The following ROBO2 variants were observed in gnomAD, a reference collection of about 807,000 sequenced individuals.
ROBO2 encodes the protein roundabout homolog 2.
Under a neutral mutation model 160.8 loss-of-function variants are expected in ROBO2, and 53 were observed. The observed-to-expected ratio is 0.33, with a 90% CI of 0.26 to 0.41. The LOEUF (loss-of-function observed/expected upper bound fraction) is 0.41, where lower values mean the gene tolerates loss of function less well. ROBO2 is among the 10% of genes least tolerant of loss of function. ROBO2 has a pLI of 1.00. For synonymous variants in ROBO2, 664 were observed against 611.7 expected (o/e 1.09, Z -1.26); for missense variants, 1,577 against 1,722.4 (o/e 0.92, Z 1.49).
At chr3:76,802,393 A>T (rs1470492856) in intron 2 of ROBO2, among the ~76,000 whole-genome samples, 1 of 152,150 alleles carries the variant, frequency 6.6e-6, no homozygotes, top group Non-Finnish European at 1.5e-5. Context: ...CTGGCCTTCC[A>T]GCATATTGGA....
Position 75,987,270 on chromosome 3 carries a change from T to A in ROBO2, c.109+49668T>A, listed in dbSNP as rs79104315. Among the ~76,000 whole-genome samples the A allele has an allele frequency of 6.8e-3, 1,033 of 152,116 alleles. 67 individuals carry two copies. In the East Asian group the frequency reaches 0.17, roughly 25 times the overall value. ...CAAGTCTTTCATATCCCTGGCTAAG[T>A]TAATTACTAAGTATTTCATTCTTTT... On this transcript the variant is annotated intron_variant, in intron 2 of 26. Coordinates refer to the ROBO2 transcript ENST00000487694.
chr3:76,120,042 C>A (rs1411530265), intron 2 of ROBO2, among the ~76,000 whole-genome samples: 1 of 151,350 alleles, frequency 6.6e-6, no homozygotes, highest in East Asian at 1.9e-4. Context: ...TGTTGCCCAG[C>A]CTGGAGTGCG....
At chr3:75,960,318 T>C (rs1948865821) in intron 2 of ROBO2, among the ~76,000 whole-genome samples, 8 of 151,762 alleles carry the variant, frequency 5.3e-5, no homozygotes, top group Admixed American at 5.3e-4. Flanking sequence ...TATCTATGAG[T>C]AGTTAAGTTT....
chr3:77,261,885 G>C (rs1048028377), intron 2 of ROBO2, among the ~76,000 whole-genome samples: 1 of 149,984 alleles, frequency 6.7e-6, no homozygotes, highest in Admixed American at 6.7e-5. Context: ...TTCCCACCTT[G>C]GCCTCCCAAA....
At chr3:76,255,279 A>G (rs1706285238) in intron 2 of ROBO2, among the ~76,000 whole-genome samples, 1 of 152,142 alleles carries the variant, frequency 6.6e-6, no homozygotes, top group South Asian at 2.1e-4. Context: ...ATTGTTTTCT[A>G]ATATTTTAGG....
chr3:76,626,999 A>C (rs2089691921), intron 2 of ROBO2, among the ~76,000 whole-genome samples: 1 of 152,286 alleles, frequency 6.6e-6, no homozygotes, highest in South Asian at 2.1e-4. Context: ...CCTGTCATTT[A>C]GATTCTTAAG....
chr3:77,314,217 C>T (rs1172481782), intron 2 of ROBO2, among the ~76,000 whole-genome samples: 1 of 152,102 alleles, frequency 6.6e-6, no homozygotes, highest in East Asian at 1.9e-4. Context: ...AGGAGGGGAC[C>T]ACCACAAACA....
chr3:77,044,035 C>A lies in ROBO2; in HGVS notation c.61+3189C>A, dbSNP rs528611201. 2.0e-5 allele frequency among the ~76,000 whole-genome samples: 3 copies of A among 151,956 alleles called. No individual in the cohort carries two copies. In the East Asian group the frequency reaches 5.8e-4, roughly 29 times the overall value. On this transcript the variant is annotated intron_variant, in intron 1 of 25. Transcript: ENST00000461745. ...CAGAATTTAAATTATATATAAGTAA[C>A]CTGAAATGTGTTTTTGAAGCTATGC...
chr3:76,633,553 A>G (rs1031129484), intron 2 of ROBO2, among the ~76,000 whole-genome samples: 5 of 152,194 alleles, frequency 3.3e-5, no homozygotes, highest in Admixed American at 1.3e-4. Context: ...AGAGTTTTAA[A>G]AGTCTTTGTT....
At chr3:76,739,029 C>G (rs917776526) in intron 2 of ROBO2, among the ~76,000 whole-genome samples, 1 of 152,048 alleles carries the variant, frequency 6.6e-6, no homozygotes. Flanking sequence ...TGCATTATAA[C>G]AGAGCATACA....
At chr3:77,553,762 G>A (rs1351619843) in intron 8 of ROBO2, among the ~76,000 whole-genome samples, 1 of 151,968 alleles carries the variant, frequency 6.6e-6, no homozygotes, top group Non-Finnish European at 1.5e-5. Context: ...AAGGCTGAGA[G>A]AGGTGAGGAA....
intron 3 of ROBO2, among the ~76,000 whole-genome samples, chr3:77,480,115 A>G (rs2084505075): frequency 6.6e-6 from 1 of 152,184 alleles, no homozygotes; most frequent in African/African-American, 2.4e-5. Context: ...TGTAAAAAAA[A>G]GTTGAAAATT....
In ROBO2 at chr3:76,834,159, C is replaced by CTCTTTCTT. The variant is rs201086914; in HGVS notation, c.110-263847_110-263840dup. ...CTTTCCTTCCTTCCTTTCTTTCTCT[C>CTCTTTCTT]TCTTTCTTTCTTTCTCTCTCTCTCT... On this transcript the variant is annotated intron_variant, in intron 2 of 26. Transcript: ENST00000487694. 9.7e-5 allele frequency among the ~76,000 whole-genome samples: 11 copies of CTCTTTCTT among 113,078 alleles called. No homozygotes were observed. The South Asian group carries it at 1.3e-3, about 13-fold the overall frequency. The allele number at this position is 113,078 out of a possible 152,430, so 74.2% of individuals were successfully genotyped here.
At chr3:76,709,913 T>C (rs1003048952) in intron 2 of ROBO2, among the ~76,000 whole-genome samples, 3 of 152,108 alleles carry the variant, frequency 2.0e-5, no homozygotes, top group Non-Finnish European at 4.4e-5. Context: ...CCAGACCACT[T>C]CCTTCTGCCA....
intron 2 of ROBO2, among the ~76,000 whole-genome samples, chr3:76,375,694 T>G (rs1394268972): frequency 6.6e-6 from 1 of 151,922 alleles, no homozygotes; most frequent in Non-Finnish European, 1.5e-5. Flanking sequence ...AAAAACTAGT[T>G]GCAAGTAAAG....
intron 2 of ROBO2, among the ~76,000 whole-genome samples, chr3:76,358,984 C>G (rs1252299888): frequency 1.4e-5 from 2 of 138,790 alleles, no homozygotes; most frequent in Non-Finnish European, 3.1e-5. Context: ...CATGTGTTCT[C>G]ATTGTTCAAT....
chr3:77,093,779 A>G (rs919851006), intron 1 of ROBO2, among the ~76,000 whole-genome samples: 1 of 151,766 alleles, frequency 6.6e-6, no homozygotes, highest in Non-Finnish European at 1.5e-5. Context: ...TCTCTCTCTA[A>G]TCTATCTATC....
At chr3:76,854,644 G>A (rs1278705352) in intron 2 of ROBO2, among the ~76,000 whole-genome samples, 1 of 152,116 alleles carries the variant, frequency 6.6e-6, no homozygotes, top group Non-Finnish European at 1.5e-5. Flanking sequence ...TTCTTCAAAT[G>A]CCTCATCTTG....
chr3:77,400,899 G>T (rs2075737269), intron 2 of ROBO2, among the ~76,000 whole-genome samples: 1 of 152,220 alleles, frequency 6.6e-6, no homozygotes, highest in South Asian at 2.1e-4. Context: ...CTACAAAATT[G>T]ATCTTGTTAA....
Sources: gnomAD v4.1 joint callset for allele counts (sites outside exome capture counted in the v4.1 genomes callset) on GRCh38, gnomAD v4.1.1 for gene constraint, MANE v1.5 for transcripts, NCBI Gene and HGNC (gene_info 2026-07-23, HGNC 2026-07-21) for gene names.